The following TM4SF18 variants were observed in gnomAD, a reference collection of about 807,000 sequenced individuals.
TM4SF18 encodes the protein transmembrane 4 L six family member 18.
Under a neutral mutation model 23.8 loss-of-function variants are expected in TM4SF18, and 22 were observed. The ratio of observed to expected loss-of-function variants is 0.92; its 90% CI spans 0.66 to 1.32. The LOEUF (loss-of-function observed/expected upper bound fraction) is 1.32. TM4SF18 is among the 40% of genes most tolerant of loss of function. The pLI is 0.00. For synonymous variants in TM4SF18, 87 were observed against 87.9 expected (o/e 0.99, Z 0.06); for missense variants, 255 against 240.3 (o/e 1.06, Z -0.41).
Position 149,333,467 on chromosome 3 carries a change from T to TC in TM4SF18, c.-18+45_-18+46insG, listed in dbSNP as rs1405993084. 4.2e-5 allele frequency: 28 copies of TC among 664,872 alleles called. No homozygotes were observed. In the South Asian group the frequency reaches 5.3e-4, roughly 13 times the overall value. 41.2% of individuals were successfully genotyped at this position (664,872 alleles called of 1,614,324 possible). On this transcript the variant is annotated intron_variant, in intron 1 of 5. Transcript: ENST00000296059. ...TTTCTTCTTCCTACCTGACCTTTTT[T>TC]TTCTCTCTCTCTCTCTTTTTTTTTT... is the stretch of plus-strand genomic sequence containing the variant.
intron 1 of TM4SF18, 31 bp downstream of exon 1, chr3:149,333,482 C>CTCTCTTTTT (rs4048749): frequency 3.8e-5 from 9 of 237,624 alleles, no homozygotes; most frequent in Non-Finnish European, 5.4e-5. Flanking sequence ...CTCTCTCTCT[C>CTCTCTTTTT]TTTTTTTTTT....
At chr3:149,323,881 C>T (rs987744648) in intron 4 of TM4SF18, among the ~76,000 whole-genome samples, 1 of 152,060 alleles carries the variant, frequency 6.6e-6, no homozygotes, top group Admixed American at 6.6e-5. Flanking sequence ...GTAGGAGAGA[C>T]CTGAGGGAGA....
At chr3:149,331,538 G>C (rs1731087439) in intron 2 of TM4SF18, among the ~76,000 whole-genome samples, 1 of 152,166 alleles carries the variant, frequency 6.6e-6, no homozygotes, top group Non-Finnish European at 1.5e-5. Flanking sequence ...GGGAAACAAT[G>C]ATGAGACAAG....
rs1730786357 is a variant in TM4SF18, at chr3:149,320,787, A to C, written c.*691T>G. ...AAAATATTTATAGTAAAACATATTC[A>C]ATAAAGAAATCTTGGAAAATATAGA... On this transcript the variant is annotated 3_prime_UTR_variant, in exon 6 of 6. Coordinates refer to ENST00000296059, the MANE Select transcript of TM4SF18 (RefSeq NM_138786.4). 6.6e-6 allele frequency: 1 copy of C among 152,206 alleles called. No individual in the cohort carries two copies. Among genetic ancestry groups the C allele is most frequent in the Non-Finnish European group, 1.5e-5 (1 of 68,046 alleles). 9.4% of individuals were successfully genotyped at this position (152,206 alleles called of 1,614,324 possible).
At chr3:149,324,765 A>C in intron 4 of TM4SF18, 115 bp downstream of exon 4, 1 of 1,345,234 alleles carries the variant, frequency 7.4e-7, no homozygotes, top group East Asian at 2.3e-5. Context: ...GAAATTCTGC[A>C]CTAAAACAGC....
In TM4SF18 at chr3:149,324,884, C is replaced by T; in HGVS notation, c.406G>A (p.Gly136Arg). ...GTTTGGGGAATTATTCCTTACCGTC[C>T]AGCAGTGCCTTCAAAAGCATACTCC... ...GWEYAFEGTA[G>R]RFLTDSSIWI... Residue 136 changes from glycine to arginine, a missense_variant, in exon 4 of 6, where the codon GGA (glycine) becomes AGA (arginine). By Grantham distance (125) the Gly-to-Arg change is moderately radical. Coordinates refer to ENST00000296059, the MANE Select transcript of TM4SF18 (RefSeq NM_138786.4). The T allele has an allele frequency of 6.2e-7, 1 of 1,614,062 alleles. No homozygotes were observed. The highest frequency in any genetic ancestry group is 8.5e-7 in the Non-Finnish European group (1 of 1,180,000).
Position 149,319,097 on chromosome 3 carries a change from G to C in TM4SF18, c.*2381C>G, listed in dbSNP as rs1730742719. The C allele has an allele frequency of 6.6e-6, 1 of 152,184 alleles. No individual in the cohort carries two copies. The highest frequency in any genetic ancestry group is 2.4e-5 in the African/African-American group (1 of 41,438). The allele number at this position is 152,184 out of a possible 1,614,324, so 9.4% of individuals were successfully genotyped here. A position where few individuals can be genotyped will look rare whatever the true frequency, so the allele number is the denominator to read the frequency against. On this transcript the variant is annotated 3_prime_UTR_variant, in exon 6 of 6. Coordinates refer to ENST00000296059, the MANE Select transcript of TM4SF18 (RefSeq NM_138786.4). The stretch of plus-strand genomic sequence containing the variant: ...TGGCTGTACCCCTGATGTGTCCAAT[G>C]CTGTGGTGGAGTCATTCAGCAAACA...
intron 1 of TM4SF18, 31 bp downstream of exon 1, chr3:149,333,482 C>CT (rs1553772228): frequency 7.8e-3 from 1,854 of 237,114 alleles, no homozygotes; most frequent in South Asian, 0.013. Context: ...CTCTCTCTCT[C>CT]TTTTTTTTTT....
At chr3:149,330,195 GC>G (rs1194951906) in intron 3 of TM4SF18, 134 bp downstream of exon 3, 1 of 426,620 alleles carries the variant, frequency 2.3e-6, no homozygotes, top group Non-Finnish European at 4.2e-6. Flanking sequence ...GATGATCTTG[GC>G]AGTAAACTCT....
rs1553772228 is a variant in TM4SF18, at chr3:149,333,482, C to CTTT, written c.-18+28_-18+30dup. The CTTT allele has an allele frequency of 5.7e-4, 136 of 237,180 alleles. 1 individual carries two copies. Among genetic ancestry groups the CTTT allele is most frequent in the South Asian group, 8.2e-4 (6 of 7,360 alleles). 14.7% of individuals were successfully genotyped at this position (237,180 alleles called of 1,614,324 possible). Reference sequence around the variant, plus strand: ...TGACCTTTTTTTTCTCTCTCTCTCTCTTTTTTTTTTTTTTTTTTGAGATTA... The same window carrying CTTT: ...TGACCTTTTTTTTCTCTCTCTCTCTCTTTTTTTTTTTTTTTTTTTTTGAGATTA... On this transcript the variant is annotated intron_variant, in intron 1 of 5. Transcript: ENST00000296059.
In TM4SF18 at chr3:149,322,374, T is replaced by C. The variant is rs759923156; in HGVS notation, c.473A>G (p.Asn158Ser). The change falls in exon 5 of 6, where the codon AAC (asparagine) becomes AGC (serine). Residue 158 changes from asparagine to serine, a missense_variant. Asn to Ser is a conservative substitution (Grantham distance 46). Coordinates refer to ENST00000296059, the MANE Select transcript of TM4SF18 (RefSeq NM_138786.4). ...TATGAGAATGGAAAATAAAATGATG[T>C]TCCACTCCACAACATGTGCAGGTTC... ...CLEPAHVVEW[N>S]IILFSILITL... 2.5e-6 allele frequency: 4 copies of C among 1,614,054 alleles called. No homozygotes were observed. The highest frequency in any genetic ancestry group is 2.2e-5 in the East Asian group (1 of 44,862).
intron 3 of TM4SF18, among the ~76,000 whole-genome samples, chr3:149,326,363 G>A (rs1024851167): frequency 2.2e-4 from 34 of 152,168 alleles, no homozygotes; most frequent in African/African-American, 8.0e-4. Context: ...TGGGTGTGGT[G>A]TACATTGTGG....
intron 5 of TM4SF18, among the ~76,000 whole-genome samples, chr3:149,321,783 G>A (rs950179758): frequency 6.6e-6 from 1 of 152,116 alleles, no homozygotes; most frequent in Non-Finnish European, 1.5e-5. Flanking sequence ...GTTTCAATGG[G>A]ATAAATACAT....
Position 149,321,421 on chromosome 3 carries a change from G to C in TM4SF18, c.*57C>G. On this transcript the variant is annotated 3_prime_UTR_variant, in exon 6 of 6. Coordinates refer to ENST00000296059, the MANE Select transcript of TM4SF18 (RefSeq NM_138786.4). ...ATATTGCCCTCAAGTCTACACAGTT[G>C]ATATAATATTTAGATAGATGGCCAT... The C allele has an allele frequency of 7.6e-7, 1 of 1,317,812 alleles. No homozygotes were observed. The highest frequency in any genetic ancestry group is 1.1e-6 in the Non-Finnish European group (1 of 945,660). 81.6% of individuals were successfully genotyped at this position (1,317,812 alleles called of 1,614,324 possible). A position where few individuals can be genotyped will look rare whatever the true frequency, so the allele number is the denominator to read the frequency against.
chr3:149,324,732 C>T (rs2108360194), intron 4 of TM4SF18, 148 bp downstream of exon 4: 1 of 975,492 alleles, frequency 1.0e-6, no homozygotes, highest in South Asian at 1.7e-5. Flanking sequence ...ACAAATTGGT[C>T]TGGATATTAG....
Position 149,321,421 on chromosome 3 carries a change from G to A in TM4SF18, c.*57C>T. On this transcript the variant is annotated 3_prime_UTR_variant, in exon 6 of 6. Transcript: ENST00000296059. ...ATATTGCCCTCAAGTCTACACAGTT[G>A]ATATAATATTTAGATAGATGGCCAT... The A allele has an allele frequency of 7.6e-7, 1 of 1,317,812 alleles. No individual in the cohort carries two copies. The highest frequency in any genetic ancestry group is 1.1e-6 in the Non-Finnish European group (1 of 945,660). The allele number at this position is 1,317,812 out of a possible 1,614,324, so 81.6% of individuals were successfully genotyped here. A position where few individuals can be genotyped will look rare whatever the true frequency, so the allele number is the denominator to read the frequency against.
chr3:149,318,592 GAGAT>G lies in TM4SF18; in HGVS notation c.*2882_*2885del, dbSNP rs1220340161. ...AAAATACTGAACAATGTAAAGAAAA[GAGAT>G]AGAACTTATAGTCCTATCATTAGGA... On this transcript the variant is annotated 3_prime_UTR_variant, in exon 6 of 6. Coordinates refer to ENST00000296059, the MANE Select transcript of TM4SF18 (RefSeq NM_138786.4). 2.6e-5 allele frequency: 4 copies of G among 152,158 alleles called. No homozygotes were observed. The highest frequency in any genetic ancestry group is 5.9e-5 in the Non-Finnish European group (4 of 68,036). The allele number at this position is 152,158 out of a possible 1,614,324, so 9.4% of individuals were successfully genotyped here.
intron 3 of TM4SF18, among the ~76,000 whole-genome samples, chr3:149,327,391 GA>G (rs1730977123): frequency 6.6e-6 from 1 of 151,442 alleles, no homozygotes; most frequent in African/African-American, 2.4e-5. Context: ...CCAGCTTGGA[GA>G]CAGATGCAAG....
At position 149,324,919 on chromosome 3, in the gene TM4SF18, A is replaced by G. The variant is rs142278288; in HGVS notation, c.371T>C (p.Leu124Pro). 4.3e-5 allele frequency: 70 copies of G among 1,614,194 alleles called. No individual in the cohort carries two copies. In the African/African-American group the frequency reaches 6.9e-4, roughly 16 times the overall value. Residue 124 changes from leucine (L) to proline (P), a missense_variant, in exon 4 of 6, where the codon CTT becomes CCT. Transcript: ENST00000296059. ...GLVQGPYCRT[L>P]DGWEYAFEGT... The stretch of plus-strand genomic sequence containing the variant: ...TTCAAAAGCATACTCCCAGCCATCA[A>G]GGGTGCGGCAATATGGCCCTTGGAC...
Sources: allele counts gnomAD v4.1 joint callset (sites outside exome capture counted in the v4.1 genomes callset), GRCh38; gene constraint gnomAD v4.1.1; transcripts MANE v1.5; gene names NCBI Gene and HGNC (gene_info 2026-07-23, HGNC 2026-07-21).